PDLIM3: variants seen among roughly 807,000 people sequenced by gnomAD.
PDLIM3 encodes the protein PDZ and LIM domain 3.
Under a neutral mutation model 37.3 loss-of-function variants are expected in PDLIM3, and 36 were observed. That is an observed-to-expected ratio of 0.97 (90% CI 0.74 to 1.28). The LOEUF (loss-of-function observed/expected upper bound fraction) is 1.28, where lower values mean the gene tolerates loss of function less well. Among genes scored for constraint, PDLIM3 ranks in the 50% most tolerant of loss-of-function variants. The pLI, the probability that PDLIM3 is intolerant of heterozygous loss-of-function variation, is 0.00. For synonymous variants in PDLIM3, 174 were observed against 182.4 expected, an observed-to-expected ratio of 0.95 and a Z score of 0.37; for missense variants, 454 against 485.0, an observed-to-expected ratio of 0.94 and a Z score of 0.60.
chr4:185,504,578 G>T lies in PDLIM3; in HGVS notation c.802C>A (p.Pro268Thr), dbSNP rs542630585. Reference protein sequence around the residue: ...GMVDDGSDDRPAGTRSVRAPV... With the variant: ...GMVDDGSDDRTAGTRSVRAPV... ...GCTCTCACACTCCGCGTTCCAGCCG[G>T]ACGGTCATCTGAAAAACAAAGCGTT... Residue 268 changes from proline to threonine, a missense_variant, in exon 7 of 8, where the codon CCG (proline) becomes ACG (threonine). By Grantham distance (38) the Pro-to-Thr change is conservative. Coordinates refer to ENST00000284767, the MANE Select transcript of PDLIM3 (RefSeq NM_014476.6). This position sits in a 1 kb window ranked among gnomAD's most constrained non-coding sequence, Gnocchi z 4.7. The T allele has an allele frequency of 6.2e-7, 1 of 1,613,752 alleles. No homozygotes were observed. Among genetic ancestry groups the T allele is most frequent in the Non-Finnish European group, 8.5e-7 (1 of 1,179,728 alleles).
chr4:185,508,436 A>T lies in PDLIM3; in HGVS notation c.525T>A (p.Pro175=). The T allele has an allele frequency of 6.2e-7, 1 of 1,614,214 alleles. No individual in the cohort carries two copies. The highest frequency in any genetic ancestry group is 8.5e-7 in the Non-Finnish European group (1 of 1,180,038). ...TCACACCAGGAAGTTCCATTTCCAA[A>T]GGAATGTTAGGGGCCAGCTTAGCCG... is the stretch of plus-strand genomic sequence containing the variant. The part of the protein sequence containing the change: ...KVAAKLAPNI[P]LEMELPGVKI... Residue 175 remains proline (P), a synonymous_variant, in exon 5 of 8, where the codon CCT becomes CCA. Coordinates refer to ENST00000284767, the MANE Select transcript of PDLIM3 (RefSeq NM_014476.6).
Position 185,514,453 on chromosome 4 carries a change from C to A in PDLIM3, c.331-116G>T. The A allele has an allele frequency of 1.3e-6, 2 of 1,594,536 alleles. No individual in the cohort carries two copies. Among genetic ancestry groups the A allele is most frequent in the African/African-American group, 2.7e-5 (2 of 74,688 alleles). On this transcript the variant is annotated intron_variant, in intron 3 of 7. Coordinates refer to ENST00000284767, the MANE Select transcript of PDLIM3 (RefSeq NM_014476.6). This position sits in a 1 kb window ranked among gnomAD's most constrained non-coding sequence, Gnocchi z 4.0. Reference sequence around the variant, plus strand: ...CATTTACCACCAACTACTGTCATAACTAAGAAAGGCGATGACGGGACCAGG... The same window carrying A: ...CATTTACCACCAACTACTGTCATAAATAAGAAAGGCGATGACGGGACCAGG...
At chr4:185,513,582 C>T (rs2095710051) in intron 4 of PDLIM3, 2 of 985,644 alleles carry the variant, frequency 2.0e-6, no homozygotes, top group Non-Finnish European at 2.4e-6. Context: ...ACCTATGGGC[C>T]ATCAGTTTGC....
chr4:185,523,059 C>T (rs1435415183), intron 3 of PDLIM3: 7 of 316,516 alleles, frequency 2.2e-5, no homozygotes, highest in African/African-American at 8.7e-5. Flanking sequence ...GATTACCTCA[C>T]GGTCATTTCA....
intron 1 of PDLIM3, among the ~76,000 whole-genome samples, chr4:185,529,579 A>G (rs1042135611): frequency 6.6e-6 from 1 of 152,210 alleles, no homozygotes; most frequent in African/African-American, 2.4e-5. Context: ...ACAGCCCTGC[A>G]GCACCTGCCT....
chr4:185,506,634 C>T lies in PDLIM3; in HGVS notation c.681G>A (p.Val227=). Residue 227 remains valine, a synonymous_variant, in exon 6 of 8, where the codon GTG becomes GTA. Transcript: ENST00000284767. ...TCCGGTACACGTCCGACTCGGGGGG[C>T]ACCGAGGCTGTGGGCTCGCTGAAAC... ...TPLMSEPTAS[V]PPESDVYRML... The T allele has an allele frequency of 6.2e-7, 1 of 1,606,426 alleles. No individual in the cohort carries two copies. Among genetic ancestry groups the T allele is most frequent in the Non-Finnish European group, 8.5e-7 (1 of 1,179,926 alleles).
chr4:185,503,705 T>C (rs2095691476), intron 7 of PDLIM3, among the ~76,000 whole-genome samples: 1 of 152,200 alleles, frequency 6.6e-6, no homozygotes, highest in South Asian at 2.1e-4. Context: ...CCCAGCACTT[T>C]GGGAGGCCGA....
At chr4:185,528,522 T>C (rs1444908851) in intron 1 of PDLIM3, among the ~76,000 whole-genome samples, 1 of 152,236 alleles carries the variant, frequency 6.6e-6, no homozygotes, top group Non-Finnish European at 1.5e-5. Flanking sequence ...CGTTTGACCA[T>C]TACAACTCTC....
chr4:185,502,457 T>C lies in PDLIM3; in HGVS notation c.932A>G (p.Lys311Arg), dbSNP rs2095688689. The change falls in exon 8 of 8, where the codon AAG (lysine) becomes AGG (arginine). Residue 311 changes from lysine (K) to arginine (R), a missense_variant. By Grantham distance (26) the Lys-to-Arg change is conservative. Transcript: ENST00000284767. ...CACGAAGCACTCAGGGTGCCGGTAC[T>C]TATCCCGCGCCTTCACCACAGCACC... The part of the protein sequence containing the change: ...IVGAVVKARD[K>R]YRHPECFVCA... The C allele has an allele frequency of 6.2e-7, 1 of 1,614,032 alleles. No homozygotes were observed.
At chr4:185,527,764 A>G in intron 1 of PDLIM3, among the ~76,000 whole-genome samples, 1 of 152,232 alleles carries the variant, frequency 6.6e-6, no homozygotes, top group Non-Finnish European at 1.5e-5. Flanking sequence ...GAGTTAAAAC[A>G]CAGGGCCAGG....
At chr4:185,508,264 T>G (rs2095701064) in intron 5 of PDLIM3, 35 bp downstream of exon 5, 2 of 1,607,344 alleles carry the variant, frequency 1.2e-6, no homozygotes, top group South Asian at 1.1e-5. Context: ...ACGTGTTTAG[T>G]TAATATGCCC....
chr4:185,515,369 C>T (rs28550630), intron 3 of PDLIM3: 7,449 of 152,262 alleles, frequency 0.049, 617 homozygotes, highest in African/African-American at 0.17. Flanking sequence ...TGAGCATTTA[C>T]GAATAATTAG....
At chr4:185,502,868 T>C (rs1300741630) in intron 7 of PDLIM3, among the ~76,000 whole-genome samples, 1 of 152,166 alleles carries the variant, frequency 6.6e-6, no homozygotes, top group Non-Finnish European at 1.5e-5. Context: ...GTCTACCCAA[T>C]GAAGAGTCTC....
intron 1 of PDLIM3, among the ~76,000 whole-genome samples, chr4:185,529,957 T>G (rs1353910951): frequency 6.6e-6 from 1 of 152,214 alleles, no homozygotes; most frequent in East Asian, 1.9e-4. Flanking sequence ...CTCCTAGCTC[T>G]TTGACCATAC....
chr4:185,535,370 T>C lies in PDLIM3; in HGVS notation c.65A>G (p.Asp22Gly), dbSNP rs1464915127. 1 of 1,608,902 alleles carries C rather than the reference T, an allele frequency of 6.2e-7. No individual in the cohort carries two copies. The highest frequency in any genetic ancestry group is 1.1e-5 in the South Asian group (1 of 90,100). Residue 22 changes from aspartate to glycine, a missense_variant, in exon 1 of 8, where the codon GAC (aspartate) becomes GGC (glycine). Coordinates refer to ENST00000284767, the MANE Select transcript of PDLIM3 (RefSeq NM_014476.6). The part of the protein sequence containing the change: ...PWGFRLSGGI[D>G]FNQPLVITRI... ...GGTGATGACCAAAGGCTGGTTGAAG[T>C]CTATGCCCCCTGAGAGCCTGAAGCC...
chr4:185,508,308 G>A lies in PDLIM3; in HGVS notation c.653C>T (p.Pro218Leu), dbSNP rs1475886457. Residue 218 changes from proline to leucine, a missense_variant, in exon 5 of 8, where the codon CCT (proline) becomes CTT (leucine). Transcript: ENST00000284767. ...GQVSTALGET[P>L]LMSEPTASVP... ...AAGAGACTCATATTACCTCATCAAAGGTGTTTCCCCTAGGGCTGTTGAAAC... is the reference window on the plus strand; with the variant it reads ...AAGAGACTCATATTACCTCATCAAAAGTGTTTCCCCTAGGGCTGTTGAAAC... 1.2e-6 allele frequency: 2 copies of A among 1,614,072 alleles called. No homozygotes were observed. Among genetic ancestry groups the A allele is most frequent in the African/African-American group, 2.7e-5 (2 of 75,046 alleles).
rs1580249171 is a variant in PDLIM3 at position 185,514,692 on chromosome 4, C to G, written c.331-355G>C. ...AGGTACACTGTGGCCAGAACAGAGC[C>G]GGATACTTACTTTTGAGGTGAGCTA... On this transcript the variant is annotated intron_variant, in intron 3 of 7. Transcript: ENST00000284767. This position sits in a 1 kb window ranked among gnomAD's most constrained non-coding sequence, Gnocchi z 4.0. The G allele has an allele frequency of 6.4e-7, 1 of 1,550,568 alleles. No individual in the cohort carries two copies. The highest frequency in any genetic ancestry group is 1.4e-5 in the African/African-American group (1 of 72,974).
At chr4:185,515,445 G>A (rs145978575) in intron 3 of PDLIM3, 1 of 152,186 alleles carries the variant, frequency 6.6e-6, no homozygotes, top group African/African-American at 2.4e-5. Flanking sequence ...TTAACAAAAA[G>A]TTCTTAACTT....
At chr4:185,531,496 G>A in intron 1 of PDLIM3, among the ~76,000 whole-genome samples, 1 of 152,094 alleles carries the variant, frequency 6.6e-6, no homozygotes, top group Non-Finnish European at 1.5e-5. Context: ...CTGGCTATTT[G>A]GATTGTAAAC....
Sources: gnomAD v4.1 joint callset for allele counts (sites outside exome capture counted in the v4.1 genomes callset) on GRCh38, gnomAD v4.1.1 for gene constraint, Gnocchi (gnomAD v3.1) non-coding constraint, MANE v1.5 for transcripts, NCBI Gene and HGNC (gene_info 2026-07-23, HGNC 2026-07-21) for gene names.